ERCC2: variants seen among roughly 807,000 people sequenced by gnomAD.
ERCC2 encodes general transcription and DNA repair factor IIH helicase subunit XPD.
ERCC2 carries 90 observed loss-of-function variants against 99.4 expected under a neutral mutation model. The observed-to-expected ratio is 0.91, with a 90% CI of 0.76 to 1.08. The LOEUF (loss-of-function observed/expected upper bound fraction) is 1.08, where lower values mean the gene tolerates loss of function less well. Among genes scored for constraint, ERCC2 ranks in the 50% least tolerant of loss-of-function variants. The probability of loss-of-function intolerance (pLI) is 0.00; values close to 1 mark genes in which losing one functional copy is unlikely to be tolerated. For synonymous variants in ERCC2, 497 were observed against 432.4 expected, an observed-to-expected ratio of 1.15 and a Z score of -1.85; for missense variants, 993 against 1,038.1, an observed-to-expected ratio of 0.96 and a Z score of 0.60.
intron 11 of ERCC2, 133 bp downstream of exon 11, chr19:45,363,610 G>A (rs922809555): frequency 7.5e-6 from 8 of 1,060,694 alleles, no homozygotes; most frequent in African/African-American, 6.3e-5. Context: ...ACCAGACAAG[G>A]TCCCACGTGC....
chr19:45,357,185 T>C (rs1910024113), intron 15 of ERCC2, 85 bp downstream of exon 15: 5 of 954,792 alleles, frequency 5.2e-6, no homozygotes, highest in African/African-American at 3.2e-5. Flanking sequence ...CTCTCCTGCC[T>C]GAGCAGTGGG....
chr19:45,350,941 G>C lies in ERCC2; in HGVS notation c.*688C>G. On this transcript the variant is annotated 3_prime_UTR_variant, in exon 23 of 23. Coordinates refer to ENST00000391945, the MANE Select transcript of ERCC2 (RefSeq NM_000400.4). The stretch of plus-strand genomic sequence containing the variant: ...TGGATTCACTCATTTCCTCCCTGCT[G>C]CCCTCTTTGCAGAATGAAGAGAGCC... 6.2e-7 allele frequency: 1 copy of C among 1,613,612 alleles called. No homozygotes were observed. Among genetic ancestry groups the C allele is most frequent in the Non-Finnish European group, 8.5e-7 (1 of 1,179,652 alleles).
intron 5 of ERCC2, among the ~76,000 whole-genome samples, chr19:45,367,608 C>T (rs1043111514): frequency 4.6e-5 from 7 of 150,934 alleles, no homozygotes; most frequent in East Asian, 2.0e-4. Flanking sequence ...ACCTCCCCCT[C>T]GGGAGTTCGA....
Position 45,351,389 on chromosome 19 carries a change from TGGGAACAGTGCAGGA to T in ERCC2, c.*225_*239del. The T allele has an allele frequency of 6.2e-7, 1 of 1,606,608 alleles. No homozygotes were observed. The highest frequency in any genetic ancestry group is 8.5e-7 in the Non-Finnish European group (1 of 1,179,844). On this transcript the variant is annotated 3_prime_UTR_variant, in exon 23 of 23. Transcript: ENST00000391945. Reference sequence around the variant, plus strand: ...GTGAACTGCGCTGGCCGCAGCTTCTTGGGAACAGTGCAGGAGGGATGGGCTGGTGGGGTGAGAGGG... The same window carrying T: ...GTGAACTGCGCTGGCCGCAGCTTCTTGGGATGGGCTGGTGGGGTGAGAGGG...
chr19:45,353,620 A>T (rs1971907574), intron 17 of ERCC2, among the ~76,000 whole-genome samples: 1 of 152,186 alleles, frequency 6.6e-6, no homozygotes, highest in Non-Finnish European at 1.5e-5. Flanking sequence ...GCTGACTGTG[A>T]GGCAGGCAGA....
chr19:45,352,952 G>A, intron 19 of ERCC2, 131 bp downstream of exon 19: 2 of 1,204,814 alleles, frequency 1.7e-6, no homozygotes, highest in East Asian at 2.3e-5. Flanking sequence ...AGGGACAGAG[G>A]GGAGGGGAGG....
At chr19:45,369,217 C>T in intron 2 of ERCC2, 70 bp from the exon 3 acceptor site, 1 of 1,247,454 alleles carries the variant, frequency 8.0e-7, no homozygotes, top group Non-Finnish European at 1.2e-6. Context: ...TCTGGGGACT[C>T]TCCCCGACCC....
intron 16 of ERCC2, 60 bp downstream of exon 16, chr19:45,355,605 A>C: frequency 7.1e-7 from 1 of 1,414,702 alleles, no homozygotes; most frequent in Non-Finnish European, 1.0e-6. Context: ...GACTCAGCCC[A>C]CCTGACTGAT....
At chr19:45,367,238 G>A (rs1394669198) in intron 5 of ERCC2, among the ~76,000 whole-genome samples, 2 of 152,022 alleles carry the variant, frequency 1.3e-5, no homozygotes, top group African/African-American at 4.8e-5. Context: ...AGGAGGCTGA[G>A]GCAGGAGAAT....
At chr19:45,353,001 C>G in intron 19 of ERCC2, 82 bp downstream of exon 19, 1 of 1,477,770 alleles carries the variant, frequency 6.8e-7, no homozygotes, top group Non-Finnish European at 9.4e-7. Flanking sequence ...GGTGGTTCCC[C>G]GCGGGAGCAG....
Position 45,368,739 on chromosome 19 carries a change from A to G in ERCC2, c.251T>C (p.Ile84Thr). Residue 84 changes from isoleucine to threonine, a missense_variant, in exon 5 of 23, where the codon ATT becomes ACT. This residue lies in a region of ERCC2 where 29 missense variants were observed against 62.1 expected (regional missense o/e 0.47). Coordinates refer to ENST00000391945, the MANE Select transcript of ERCC2 (RefSeq NM_000400.4). Reference sequence around the variant, plus strand: ...GTTGAGCAACTTTCGAAGCTCTTCAATCACCTACTCCAAAGTTGGGGGGCA... The same window carrying G: ...GTTGAGCAACTTTCGAAGCTCTTCAGTCACCTACTCCAAAGTTGGGGGGCA... ...SRTVPEIEKV[I>T]EELRKLLNFY... The G allele has an allele frequency of 6.8e-6, 11 of 1,611,680 alleles. No homozygotes were observed. The highest frequency in any genetic ancestry group is 1.3e-5 in the African/African-American group (1 of 74,974).
chr19:45,370,493 C>T (rs1249663832), intron 1 of ERCC2, 43 bp downstream of exon 1: 20 of 1,568,160 alleles, frequency 1.3e-5, no homozygotes, highest in Non-Finnish European at 1.4e-5. Flanking sequence ...CTTCAAGACC[C>T]CCCGCGCCCG....
chr19:45,351,753 C>A (rs761700183), intron 22 of ERCC2, 32 bp from the exon 23 acceptor site: 1 of 1,601,990 alleles, frequency 6.2e-7, no homozygotes, highest in East Asian at 2.2e-5. Context: ...GAGAGGGGGG[C>A]ACTGTTGGGC....
At position 45,351,219 on chromosome 19, in the gene ERCC2, A is replaced by C. The variant is rs975428141; in HGVS notation, c.*410T>G. On this transcript the variant is annotated 3_prime_UTR_variant, in exon 23 of 23. Transcript: ENST00000391945. ...TAGTTGGCTGCCAGGCTGGACCTGG[A>C]GCTGGAGGGTGGATGTAACACTTGC... 25 of 1,591,398 alleles carry C rather than the reference A, an allele frequency of 1.6e-5. No homozygotes were observed. In the African/African-American group the frequency reaches 2.8e-4, roughly 18 times the overall value.
chr19:45,361,722 G>C, intron 11 of ERCC2, 80 bp from the exon 12 acceptor site: 2 of 1,057,446 alleles, frequency 1.9e-6, no homozygotes, highest in Non-Finnish European at 2.9e-6. Flanking sequence ...CCATCACGAC[G>C]GTCACGTGCC....
At chr19:45,368,035 G>C (rs1048057077) in intron 5 of ERCC2, among the ~76,000 whole-genome samples, 1 of 151,316 alleles carries the variant, frequency 6.6e-6, no homozygotes, top group South Asian at 2.1e-4. Flanking sequence ...CACCACCCCC[G>C]GCTAATTTTT....
intron 17 of ERCC2, among the ~76,000 whole-genome samples, chr19:45,354,169 G>A (rs748550429): frequency 6.6e-6 from 1 of 152,212 alleles, no homozygotes; most frequent in Non-Finnish European, 1.5e-5. Flanking sequence ...GGTGTGCTCA[G>A]AGGCACAAAG....
chr19:45,352,964 C>G (rs1200089945), intron 19 of ERCC2, 119 bp downstream of exon 19: 2 of 1,246,972 alleles, frequency 1.6e-6, no homozygotes, highest in African/African-American at 1.5e-5. Flanking sequence ...GAGGGGAGGG[C>G]CCCTCTGTGC....
chr19:45,357,379 G>A lies in ERCC2; in HGVS notation c.1378-8C>T, dbSNP rs558250151. 195 of 1,612,212 alleles carry A rather than the reference G, an allele frequency of 1.2e-4. No homozygotes were observed. The Middle Eastern group carries it at 2.3e-3, about 19-fold the overall frequency. ...GTCCAGCGGGGACAGTGTCTGTGGC[G>A]GGACAGTGGGAGGGATCTCAGCAGG... On this transcript the variant is annotated splice_polypyrimidine_tract_variant and splice_region_variant and intron_variant, in intron 14 of 22. Coordinates refer to ENST00000391945, the MANE Select transcript of ERCC2 (RefSeq NM_000400.4).
Sources: allele counts gnomAD v4.1 joint callset (sites outside exome capture counted in the v4.1 genomes callset), GRCh38; gene constraint gnomAD v4.1.1; regional missense constraint gnomAD v4.1.1; transcripts MANE v1.5; gene names NCBI Gene and HGNC (gene_info 2026-07-23, HGNC 2026-07-21).